ZNF816: variants seen among roughly 807,000 people sequenced by gnomAD.
The protein encoded by ZNF816 is zinc finger protein 816A.
Under a neutral mutation model 8.3 loss-of-function variants are expected in ZNF816, and 11 were observed. The ratio of observed to expected loss-of-function variants is 1.32; its 90% CI spans 0.83 to 2.19. ZNF816 has a LOEUF of 2.19. Among genes scored for constraint, ZNF816 ranks in the 30% most tolerant of loss-of-function variants. ZNF816 has a pLI of 0.00. For missense variants in ZNF816, 710 were observed against 779.3 expected (o/e 0.91, Z 1.06); for synonymous variants, 255 against 254.5 (o/e 1.00, Z -0.02).
chr19:52,956,067 T>C lies in ZNF816; in HGVS notation c.23A>G (p.Lys8Arg). 1 of 1,611,738 alleles carries C rather than the reference T, an allele frequency of 6.2e-7. No individual in the cohort carries two copies. Among genetic ancestry groups the C allele is most frequent in the Non-Finnish European group, 8.5e-7 (1 of 1,179,428 alleles). The change falls in exon 2 of 4, where the codon AAG becomes AGG. Residue 8 changes from lysine (K) to arginine (R), a missense_variant. Coordinates refer to ENST00000444460, the MANE Select transcript of ZNF816 (RefSeq NM_001202457.3). MLREEAT[K>R]KSKEKEPGMA... is the part of the protein sequence containing the mutation. ...CCCTGGCTCCTTTTCTTTGCTCTTC[T>C]TGGTGGCTTCCTCACGTAACATGAG...
At chr19:52,956,204 T>C (rs575092982) in intron 1 of ZNF816, 100 bp from the exon 2 acceptor site, 1 of 1,359,662 alleles carries the variant, frequency 7.4e-7, no homozygotes, top group African/African-American at 1.5e-5. Flanking sequence ...GAGAGAAAGA[T>C]GGTCCTTTGC....
chr19:52,956,702 C>T (rs1372693181), intron 1 of ZNF816, among the ~76,000 whole-genome samples: 2 of 152,162 alleles, frequency 1.3e-5, no homozygotes, highest in African/African-American at 2.4e-5. Flanking sequence ...CAGCTGTGGT[C>T]CCAGCTACTC....
chr19:52,953,392 C>CAAAA (rs572790920), intron 2 of ZNF816: 4 of 131,316 alleles, frequency 3.0e-5, no homozygotes, highest in East Asian at 2.3e-4. Flanking sequence ...GACTCCATCT[C>CAAAA]AAAAAAAAAA....
chr19:52,952,882 A>T lies in ZNF816; in HGVS notation c.64-5T>A, dbSNP rs1568437860. The stretch of plus-strand genomic sequence containing the variant: ...ATCCCTGAAAGTCAAGCGTCCCTAA[A>T]ATAAAAAACACGTTTCAACAAAACA... On this transcript the variant is annotated splice_region_variant and splice_polypyrimidine_tract_variant and intron_variant, in intron 2 of 3. Transcript: ENST00000444460. 1 of 1,588,934 alleles carries T rather than the reference A, an allele frequency of 6.3e-7. No individual in the cohort carries two copies. The highest frequency in any genetic ancestry group is 1.9e-5 in the Admixed American group (1 of 51,440).
Position 52,949,777 on chromosome 19 carries a change from T to C in ZNF816, c.*42A>G, listed in dbSNP as rs778187468. Reference sequence around the variant, plus strand: ...CTCTTCAATATGGATTCTGTAATGATTTGCAATGGTTGTAGCATTACTGAA... The same window carrying C: ...CTCTTCAATATGGATTCTGTAATGACTTGCAATGGTTGTAGCATTACTGAA... On this transcript the variant is annotated 3_prime_UTR_variant, in exon 4 of 4. Coordinates refer to ENST00000444460, the MANE Select transcript of ZNF816 (RefSeq NM_001202457.3). 6.7e-5 allele frequency: 108 copies of C among 1,612,712 alleles called. No homozygotes were observed. Among genetic ancestry groups the C allele is most frequent in the Non-Finnish European group, 8.4e-5 (99 of 1,179,224 alleles).
chr19:52,952,845 C>T lies in ZNF816; in HGVS notation c.96G>A (p.Glu32=). The T allele has an allele frequency of 6.2e-7, 1 of 1,610,962 alleles. No individual in the cohort carries two copies. Among genetic ancestry groups the T allele is most frequent in the Non-Finnish European group, 8.5e-7 (1 of 1,179,152 alleles). The change falls in exon 3 of 4, where the codon GAG becomes GAA. Residue 32 remains glutamate, a synonymous_variant. Transcript: ENST00000444460. Reference sequence around the variant, plus strand: ...GGCATTTCCACTCCTCCAAAGAGAACTCTATAGCCACATCCCTGAAAGTCA... The same window carrying T: ...GGCATTTCCACTCCTCCAAAGAGAATTCTATAGCCACATCCCTGAAAGTCA... The part of the protein sequence containing the change: ...GRLTFRDVAI[E]FSLEEWKCLN...
chr19:52,962,202 C>G (rs995713495), intron 1 of ZNF816, among the ~76,000 whole-genome samples: 6 of 152,140 alleles, frequency 3.9e-5, no homozygotes, highest in Non-Finnish European at 8.8e-5. Flanking sequence ...CTATACTATA[C>G]TAGTCCAGGC....
chr19:52,952,552 CT>C, intron 3 of ZNF816, 198 bp downstream of exon 3: 1 of 959,794 alleles, frequency 1.0e-6, no homozygotes, highest in East Asian at 2.6e-5. Context: ...CGTGAATTTT[CT>C]GTTTTTATGT....
Position 52,949,972 on chromosome 19 carries a change from A to T in ZNF816, c.1803T>A (p.Val601=). ...KPYKCNECGK[V]FNQKASLAKH... ...TTGCAAGGCTTGCTTTTTGATTAAA[A>T]ACCTTGCCACATTCATTACACTTGT... The change falls in exon 4 of 4, where the codon GTT becomes GTA. Residue 601 remains valine, a synonymous_variant. Coordinates refer to ENST00000444460, the MANE Select transcript of ZNF816 (RefSeq NM_001202457.3). 2 of 1,613,716 alleles carry T rather than the reference A, an allele frequency of 1.2e-6. No individual in the cohort carries two copies. Among genetic ancestry groups the T allele is most frequent in the Non-Finnish European group, 1.7e-6 (2 of 1,179,854 alleles).
rs753585664 is a variant in ZNF816 at position 52,951,305 on chromosome 19, C to A, written c.470G>T (p.Gly157Val). ...AGNKPIKDQL[G>V]LSFHSHLPEL... ...AGGCAGATGCGAATGAAAGCTTAAT[C>A]CAAGCTGATCTTTAATAGGCTTGTT... Residue 157 changes from glycine to valine, a missense_variant, in exon 4 of 4, where the codon GGA becomes GTA. Gly to Val is a moderately radical substitution (Grantham distance 109). Coordinates refer to ENST00000444460, the MANE Select transcript of ZNF816 (RefSeq NM_001202457.3). 33 of 1,614,062 alleles carry A rather than the reference C, an allele frequency of 2.0e-5. No homozygotes were observed. Among genetic ancestry groups the A allele is most frequent in the Non-Finnish European group, 2.7e-5 (32 of 1,180,034 alleles).
At chr19:52,961,880 G>C (rs1436774814) in intron 1 of ZNF816, among the ~76,000 whole-genome samples, 1 of 152,148 alleles carries the variant, frequency 6.6e-6, no homozygotes, top group Admixed American at 6.5e-5. Context: ...CACTGATCCA[G>C]TTCCTCACAC....
rs376656412 is a variant in ZNF816 at position 52,950,237 on chromosome 19, T to C, written c.1538A>G (p.Glu513Gly). ...HAGEKPYKCE[E>G]CDKVFSRRSH... is the part of the protein sequence containing the mutation. ...TCTGCGACTGAAAACTTTGTCACATTCTTCACATTTGTAAGGTTTCTCTCC... is the reference window on the plus strand; with the variant it reads ...TCTGCGACTGAAAACTTTGTCACATCCTTCACATTTGTAAGGTTTCTCTCC... The change falls in exon 4 of 4, where the codon GAA (glutamate) becomes GGA (glycine). Residue 513 changes from glutamate to glycine, a missense_variant. Glu to Gly is a moderately conservative substitution (Grantham distance 98). Transcript: ENST00000444460. 6.8e-6 allele frequency: 11 copies of C among 1,613,830 alleles called. 1 individual carries two copies. The African/African-American group carries it at 1.2e-4, about 18-fold the overall frequency.
chr19:52,957,625 G>C lies in ZNF816; in HGVS notation c.-15-1521C>G, dbSNP rs1378154334. Among the ~76,000 whole-genome samples, 1 of 152,210 alleles carries C rather than the reference G, an allele frequency of 6.6e-6. No homozygotes were observed. The highest frequency in any genetic ancestry group is 2.4e-5 in the African/African-American group (1 of 41,444). On this transcript the variant is annotated intron_variant, in intron 1 of 3. Coordinates refer to ENST00000444460, the MANE Select transcript of ZNF816 (RefSeq NM_001202457.3). This position sits in a 1 kb window ranked among gnomAD's most constrained non-coding sequence, Gnocchi z 4.6. ...TGATTTTCGTATTGATACCAGTGCT[G>C]AACATTCAGTAGTAACCGCCCCGGT...
intron 1 of ZNF816, among the ~76,000 whole-genome samples, chr19:52,956,829 G>C (rs2083514707): frequency 6.6e-6 from 1 of 152,178 alleles, no homozygotes; most frequent in Non-Finnish European, 1.5e-5. Flanking sequence ...AGAAACAGAA[G>C]TAAGATAAAT....
chr19:52,959,410 T>A (rs561100685), intron 1 of ZNF816, among the ~76,000 whole-genome samples: 1 of 152,344 alleles, frequency 6.6e-6, no homozygotes, highest in Non-Finnish European at 1.5e-5. Flanking sequence ...TTAGCAGGCT[T>A]GACCTTTGAG....
At chr19:52,953,237 C>CAA (rs66502718) in intron 2 of ZNF816, 1,902 of 224,082 alleles carry the variant, frequency 8.5e-3, no homozygotes, top group South Asian at 0.024. Flanking sequence ...ACTAAAAATA[C>CAA]AAAAAAAAAA....
In ZNF816 at chr19:52,953,536, TA is replaced by T. The variant is rs1568438351; in HGVS notation, c.64-660del. The T allele has an allele frequency of 1.9e-4, 10 of 53,704 alleles. No homozygotes were observed. The African/African-American group carries it at 2.5e-3, about 14-fold the overall frequency. The allele number at this position is 53,704 out of a possible 1,614,324, so 3.3% of individuals were successfully genotyped here. A position where few individuals can be genotyped will look rare whatever the true frequency, so the allele number is the denominator to read the frequency against. ...TATAATATATATTTATAATATATAA[TA>T]TATAATACAATATTATATATAATAT... On this transcript the variant is annotated intron_variant, in intron 2 of 3. Coordinates refer to ENST00000444460, the MANE Select transcript of ZNF816 (RefSeq NM_001202457.3).
In ZNF816 at chr19:52,952,878, CTAAAA is replaced by C; in HGVS notation, c.64-6_64-2del. The C allele has an allele frequency of 6.3e-7, 1 of 1,589,222 alleles. No homozygotes were observed. Among genetic ancestry groups the C allele is most frequent in the Non-Finnish European group, 8.5e-7 (1 of 1,172,820 alleles). ...CCACATCCCTGAAAGTCAAGCGTCCCTAAAATAAAAAACACGTTTCAACAAAACAT... is the reference window on the plus strand; with the variant it reads ...CCACATCCCTGAAAGTCAAGCGTCCCTAAAAAACACGTTTCAACAAAACAT... On this transcript the variant is annotated splice_acceptor_variant and splice_polypyrimidine_tract_variant and intron_variant, in intron 2 of 3. Coordinates refer to ENST00000444460, the MANE Select transcript of ZNF816 (RefSeq NM_001202457.3). LOFTEE classifies it high-confidence loss of function.
rs113678033 is a variant in ZNF816 at position 52,955,944 on chromosome 19, C to T, written c.63+83G>A. 1,099 of 1,532,690 alleles carry T rather than the reference C, an allele frequency of 7.2e-4. 3 individuals are homozygous for T. In the African/African-American group the frequency reaches 9.2e-3, roughly 13 times the overall value. 94.9% of individuals were successfully genotyped at this position (1,532,690 alleles called of 1,614,324 possible). A position where few individuals can be genotyped will look rare whatever the true frequency, so the allele number is the denominator to read the frequency against. The stretch of plus-strand genomic sequence containing the variant: ...CAAACGTGTGATGTAGAATGCTTCA[C>T]ACTCAGAGAAGATTGGCTACTACAA... On this transcript the variant is annotated intron_variant, in intron 2 of 3. Coordinates refer to ENST00000444460, the MANE Select transcript of ZNF816 (RefSeq NM_001202457.3).
Sources: gnomAD v4.1 joint callset for allele counts (sites outside exome capture counted in the v4.1 genomes callset) on GRCh38, gnomAD v4.1.1 for gene constraint, Gnocchi (gnomAD v3.1) non-coding constraint, MANE v1.5 for transcripts, NCBI Gene and HGNC (gene_info 2026-07-23, HGNC 2026-07-21) for gene names.